Variants in EFR3B observed in about 807,000 individuals in gnomAD.
The protein encoded by EFR3B is protein EFR3 homolog B.
In EFR3B, 64 loss-of-function variants were observed where a neutral mutation model predicts 104.7. The ratio of observed to expected loss-of-function variants is 0.61; its 90% CI spans 0.50 to 0.75. EFR3B has a LOEUF of 0.75. Among genes scored for constraint, EFR3B ranks in the 30% least tolerant of loss-of-function variants. The pLI is 0.00. For missense variants in EFR3B, 750 were observed against 1,078.5 expected, an observed-to-expected ratio of 0.70 and a Z score of 4.27; for synonymous variants, 385 against 417.9, an observed-to-expected ratio of 0.92 and a Z score of 0.96.
rs953030523 is a variant in EFR3B, at chr2:25,093,148, G to C, written c.212+18G>C. The C allele has an allele frequency of 1.5e-5, 24 of 1,550,808 alleles. No homozygotes were observed. Among genetic ancestry groups the C allele is most frequent in the South Asian group, 2.4e-5 (2 of 84,016 alleles). The stretch of plus-strand genomic sequence containing the variant: ...CGATATGGGTAAGTAGTTTGGAAGA[G>C]AGGGAGAGAGATTGTCAGGAACTAT... On this transcript the variant is annotated intron_variant, in intron 3 of 22. Transcript: ENST00000403714.
intron 1 of EFR3B, among the ~76,000 whole-genome samples, chr2:25,061,091 T>C (rs1208546111): frequency 1.3e-5 from 2 of 151,578 alleles, no homozygotes; most frequent in African/African-American, 4.9e-5. Context: ...TGGCTCCAAC[T>C]CAGCCACAGG....
At chr2:25,047,602 A>G (rs988423291) in intron 1 of EFR3B, among the ~76,000 whole-genome samples, 1 of 151,952 alleles carries the variant, frequency 6.6e-6, no homozygotes, top group Non-Finnish European at 1.5e-5. Flanking sequence ...AGGTTCAAGC[A>G]GTTCTCATGT....
At chr2:25,080,730 G>A in intron 1 of EFR3B, 1 of 1,208,682 alleles carries the variant, frequency 8.3e-7, no homozygotes, top group Non-Finnish European at 1.2e-6. Context: ...CTTGGGTTCA[G>A]TCCTGTAGAT....
chr2:25,153,823 C>A, intron 22 of EFR3B, 62 bp downstream of exon 22: 1 of 1,477,014 alleles, frequency 6.8e-7, no homozygotes, highest in Non-Finnish European at 9.3e-7. Flanking sequence ...GGTTCCTCAT[C>A]CTGAGTCCTC....
In EFR3B at chr2:25,114,148, G is replaced by A. The variant is rs1294784654; in HGVS notation, c.364-7525G>A. On this transcript the variant is annotated intron_variant, in intron 4 of 22. Transcript: ENST00000403714. This position sits in a 1 kb window ranked among gnomAD's most constrained non-coding sequence, Gnocchi z 4.0. The stretch of plus-strand genomic sequence containing the variant: ...GTGTGGTCCTTTGACCAGGGCCCCC[G>A]GGAAAAACCCCATCAGACCCTCTGA... 3.3e-5 allele frequency among the ~76,000 whole-genome samples: 5 copies of A among 152,072 alleles called. No individual in the cohort carries two copies. The highest frequency in any genetic ancestry group is 1.9e-4 in the East Asian group (1 of 5,188).
intron 6 of EFR3B, 56 bp from the exon 7 acceptor site, chr2:25,129,919 A>G: frequency 6.5e-7 from 1 of 1,543,510 alleles, no homozygotes; most frequent in Non-Finnish European, 8.7e-7. Flanking sequence ...GGGATTGTAC[A>G]GAGCCTGACC....
chr2:25,068,862 C>A (rs544532187), intron 1 of EFR3B, among the ~76,000 whole-genome samples: 4 of 151,538 alleles, frequency 2.6e-5, no homozygotes, highest in Admixed American at 6.6e-5. Flanking sequence ...ATCTCCTGAC[C>A]TTGTGGTCCG....
In EFR3B at chr2:25,142,610, T is replaced by A. The variant is rs530419953; in HGVS notation, c.1923-1125T>A. ...CCTGTCTCTACTAAAAATACAAAAATTAGCCAGGTGTGGTGGCGTGCGCCT... is the reference window on the plus strand; with the variant it reads ...CCTGTCTCTACTAAAAATACAAAAAATAGCCAGGTGTGGTGGCGTGCGCCT... On this transcript the variant is annotated intron_variant, in intron 17 of 22. Transcript: ENST00000403714. Among the ~76,000 whole-genome samples the A allele has an allele frequency of 1.3e-4, 20 of 150,352 alleles. No individual in the cohort carries two copies. In the East Asian group the frequency reaches 3.8e-3, roughly 28 times the overall value.
chr2:25,046,535 C>T (rs1292767501), intron 1 of EFR3B, among the ~76,000 whole-genome samples: 2 of 123,508 alleles, frequency 1.6e-5, no homozygotes, highest in African/African-American at 2.7e-5. Context: ...GACGGAGTCT[C>T]GCTGTCGCCC....
chr2:25,154,466 C>T lies in EFR3B; in HGVS notation c.*126C>T. 1.2e-6 allele frequency: 1 copy of T among 829,338 alleles called. No homozygotes were observed. Among genetic ancestry groups the T allele is most frequent in the African/African-American group, 1.7e-5 (1 of 58,100 alleles). 51.4% of individuals were successfully genotyped at this position (829,338 alleles called of 1,614,324 possible). ...ACATCACCTTAGATGGCAGCGCCTC[C>T]CAGGCTAAGCCAAGGTGGAGACTCT... is the stretch of plus-strand genomic sequence containing the variant. On this transcript the variant is annotated 3_prime_UTR_variant, in exon 23 of 23. Coordinates refer to ENST00000403714, the MANE Select transcript of EFR3B (RefSeq NM_014971.2). The surrounding 1 kb of genome is among the most constrained non-coding windows in gnomAD (Gnocchi z 4.1).
chr2:25,071,409 C>T (rs1207523187), intron 1 of EFR3B, among the ~76,000 whole-genome samples: 4 of 151,594 alleles, frequency 2.6e-5, no homozygotes, highest in Admixed American at 6.6e-5. Context: ...TACAGGTTCA[C>T]GCCACCACAC....
chr2:25,089,287 G>A lies in EFR3B; in HGVS notation c.8-2038G>A, dbSNP rs567196785. ...CACTGTGTGGAAGTTTCTACCGTGA[G>A]TACCCAGGATGGTATTGAGCTCTCT... On this transcript the variant is annotated intron_variant, in intron 1 of 22. Transcript: ENST00000403714. 2.0e-5 allele frequency among the ~76,000 whole-genome samples: 3 copies of A among 152,268 alleles called. No individual in the cohort carries two copies. The East Asian group carries it at 5.8e-4, about 29-fold the overall frequency.
intron 4 of EFR3B, among the ~76,000 whole-genome samples, chr2:25,110,743 G>C (rs775247586): frequency 6.6e-6 from 1 of 152,170 alleles, no homozygotes; most frequent in Admixed American, 6.5e-5. Context: ...CCATTAGCTT[G>C]CCTGACAGAA....
rs563438610 is a variant in EFR3B, at chr2:25,080,283, CTTTTT to C, written c.8-11018_8-11014del. On this transcript the variant is annotated intron_variant, in intron 1 of 22. Transcript: ENST00000403714. ...AGCTGGCTGGAGTCCCTCCCCAAAG[CTTTTT>C]TTTTTTTTTTTTTTTTTTTTTTTGA... The C allele has an allele frequency of 4.1e-3, 633 of 154,216 alleles. 1 individual carries two copies. The highest frequency in any genetic ancestry group is 0.037 in the African/African-American group (284 of 7,578). The allele number at this position is 154,216 out of a possible 1,614,324, so 9.6% of individuals were successfully genotyped here.
At chr2:25,101,069 C>T (rs1669419856) in intron 3 of EFR3B, among the ~76,000 whole-genome samples, 1 of 152,234 alleles carries the variant, frequency 6.6e-6, no homozygotes, top group South Asian at 2.1e-4. Flanking sequence ...TTATTAGGTG[C>T]TTGTGCTATT....
Position 25,151,958 on chromosome 2 carries a change from C to T in EFR3B, c.2236C>T (p.Gln746Ter), listed in dbSNP as rs1440649980. The T allele has an allele frequency of 1.3e-6, 2 of 1,551,586 alleles. No individual in the cohort carries two copies. The highest frequency in any genetic ancestry group is 1.4e-5 in the African/African-American group (1 of 73,044). ...GGAGCAGGAGCGTGAGCGGCGGCGGCAGGTGGTGGAGAAGTTCCAGAAGGC... is the reference window on the plus strand; with the variant it reads ...GGAGCAGGAGCGTGAGCGGCGGCGGTAGGTGGTGGAGAAGTTCCAGAAGGC... ...VEEQERERRRQVVEKFQKAPF... is the reference protein window; with the variant it reads ...VEEQERERRR The change falls in exon 21 of 23, where the codon CAG (glutamine) becomes TAG (stop). Residue 746 changes from glutamine (Q) to a stop codon, truncating the protein, a stop_gained. Transcript: ENST00000403714. LOFTEE classifies it high-confidence loss of function.
rs1372610137 is a variant in EFR3B at position 25,135,468 on chromosome 2, T to C, written c.1313T>C (p.Val438Ala). 4 of 1,551,716 alleles carry C rather than the reference T, an allele frequency of 2.6e-6. No individual in the cohort carries two copies. The highest frequency in any genetic ancestry group is 2.0e-5 in the Admixed American group (1 of 51,008). ...QIMLLKSLLQ[V>A]STGFQCNNMM... is the part of the protein sequence containing the mutation. Reference sequence around the variant, plus strand: ...TAGCTGTCCATACCTCCCTTGCAGGTATCCACAGGTTTCCAGTGCAACAAC... The same window carrying C: ...TAGCTGTCCATACCTCCCTTGCAGGCATCCACAGGTTTCCAGTGCAACAAC... The change falls in exon 13 of 23, where the codon GTA becomes GCA. Residue 438 changes from valine (V) to alanine (A), a missense_variant and splice_region_variant. Coordinates refer to ENST00000403714, the MANE Select transcript of EFR3B (RefSeq NM_014971.2).
chr2:25,122,645 T>C (rs1292509190), intron 5 of EFR3B, among the ~76,000 whole-genome samples: 1 of 152,114 alleles, frequency 6.6e-6, no homozygotes, highest in Non-Finnish European at 1.5e-5. Flanking sequence ...GGGATCTGCA[T>C]GGCTCACTGC....
intron 6 of EFR3B, among the ~76,000 whole-genome samples, chr2:25,129,000 A>G (rs1670248915): frequency 8.6e-6 from 1 of 116,876 alleles, no homozygotes. Context: ...AAAAAAAAAA[A>G]AGATGCCTTT....
Sources: allele counts gnomAD v4.1 joint callset (sites outside exome capture counted in the v4.1 genomes callset), GRCh38; gene constraint gnomAD v4.1.1; non-coding constraint Gnocchi (gnomAD v3.1); transcripts MANE v1.5; gene names NCBI Gene and HGNC (gene_info 2026-07-23, HGNC 2026-07-21).